The following PTGIS variants were observed in gnomAD, a reference collection of about 807,000 sequenced individuals.
The protein encoded by PTGIS is prostaglandin I2 synthase, also known as prostacyclin synthase.
PTGIS carries 45 observed loss-of-function variants against 50.3 expected under a neutral mutation model. The observed-to-expected ratio is 0.90, with a 90% CI of 0.70 to 1.15. PTGIS has a LOEUF of 1.15. Ranked by LOEUF, PTGIS falls within the 50% of genes most tolerant of loss-of-function variation. PTGIS has a pLI of 0.00. For missense variants in PTGIS, 668 were observed against 661.3 expected (o/e 1.01, Z -0.11); for synonymous variants, 260 against 267.7 (o/e 0.97, Z 0.28).
intron 4 of PTGIS, among the ~76,000 whole-genome samples, chr20:49,543,936 T>A (rs1982292710): frequency 1.3e-5 from 2 of 152,160 alleles, no homozygotes; most frequent in African/African-American, 4.8e-5. Context: ...TAACATACAT[T>A]TACAAGACCA....
intron 5 of PTGIS, among the ~76,000 whole-genome samples, chr20:49,533,989 A>AT (rs1601190610): frequency 1.3e-5 from 2 of 151,862 alleles, no homozygotes; most frequent in South Asian, 2.1e-4. Flanking sequence ...ATATATATAT[A>AT]AAATGTATGT....
At chr20:49,532,479 A>T (rs1224449259) in intron 5 of PTGIS, among the ~76,000 whole-genome samples, 1 of 152,242 alleles carries the variant, frequency 6.6e-6, no homozygotes, top group Non-Finnish European at 1.5e-5. Flanking sequence ...ACATCTCAGC[A>T]TCTCAGTTTT....
chr20:49,538,549 C>T (rs78040508), intron 5 of PTGIS, among the ~76,000 whole-genome samples: 14,730 of 152,034 alleles, frequency 0.097, 2,216 homozygotes, highest in African/African-American at 0.32. Context: ...TTCTAGGAAG[C>T]TGAAGAATAG....
intron 1 of PTGIS, among the ~76,000 whole-genome samples, chr20:49,558,648 G>T (rs542828942): frequency 2.9e-4 from 44 of 151,918 alleles, no homozygotes; most frequent in Admixed American, 5.2e-4. Flanking sequence ...ACTCCATGTT[G>T]AATAGGAGCT....
intron 5 of PTGIS, among the ~76,000 whole-genome samples, chr20:49,528,300 C>CA (rs1981842045): frequency 6.6e-6 from 1 of 151,718 alleles, no homozygotes; most frequent in Non-Finnish European, 1.5e-5. Context: ...TCCTGCCTGG[C>CA]AAAAAACACA....
In PTGIS at chr20:49,514,391, T is replaced by A. The variant is rs774754882; in HGVS notation, c.860A>T (p.Asn287Ile). Residue 287 changes from asparagine to isoleucine, a missense_variant, in exon 7 of 10, where the codon AAT becomes ATT. Physicochemically the swap from Asn to Ile is moderately radical, Grantham distance 149 (BLOSUM62 -3). Coordinates refer to ENST00000244043, the MANE Select transcript of PTGIS (RefSeq NM_000961.4). ...GAGCCAGAAGGCAGCGGGACCCATA[T>A]TCCCCTGCAAGGAGAAGGGCCCCTG... ...LVLQLWATQG[N>I]MGPAAFWLLL... is the part of the protein sequence containing the mutation. The A allele has an allele frequency of 9.9e-6, 16 of 1,613,502 alleles. No individual in the cohort carries two copies. Among genetic ancestry groups the A allele is most frequent in the Non-Finnish European group, 1.4e-5 (16 of 1,179,994 alleles).
chr20:49,541,271 G>T (rs1323073107), intron 4 of PTGIS, among the ~76,000 whole-genome samples: 2 of 151,840 alleles, frequency 1.3e-5, no homozygotes, highest in African/African-American at 4.8e-5. Flanking sequence ...ACAGACACGT[G>T]CTTGCCAGGC....
intron 5 of PTGIS, among the ~76,000 whole-genome samples, chr20:49,532,973 G>A (rs1174761334): frequency 6.6e-6 from 1 of 152,164 alleles, no homozygotes; most frequent in Admixed American, 6.5e-5. Context: ...GTGATAACCG[G>A]ATGCCATGAA....
At position 49,539,662 on chromosome 20, in the gene PTGIS, G is replaced by GCCTGGCTT. The variant is rs1440802455; in HGVS notation, c.573_580dup (p.Ala194GlufsTer145). 13 of 1,613,762 alleles carry GCCTGGCTT rather than the reference G, an allele frequency of 8.1e-6. No homozygotes were observed. Among genetic ancestry groups the GCCTGGCTT allele is most frequent in the Non-Finnish European group, 1.1e-5 (13 of 1,179,984 alleles). On this transcript the variant is annotated frameshift_variant, in exon 5 of 10. Coordinates refer to ENST00000244043, the MANE Select transcript of PTGIS (RefSeq NM_000961.4). LOFTEE classifies it high-confidence loss of function. The stretch of plus-strand genomic sequence containing the variant: ...ATCAGCTGAGTGGACGCGGTCCTGG[G>GCCTGGCTT]CCTGGCTTTCATGGGTGCGTGGCAG...
chr20:49,536,439 CTTTTTCTT>C (rs1348869938), intron 5 of PTGIS, among the ~76,000 whole-genome samples: 2 of 146,578 alleles, frequency 1.4e-5, no homozygotes, highest in East Asian at 2.0e-4. Context: ...GCAAACAGTG[CTTTTTCTT>C]TTTTTCTTTT....
rs750338177 is a variant in PTGIS, at chr20:49,550,732, T to A, written c.75-543A>T. On this transcript the variant is annotated intron_variant, in intron 1 of 9. Transcript: ENST00000244043. ...ATTTGAGATCTAAGAGAGCTACAAT[T>A]TGAGAGCTAAGTTTTATTTTGTTGT... Among the ~76,000 whole-genome samples, 2 of 152,156 alleles carry A rather than the reference T, an allele frequency of 1.3e-5. 1 individual carries two copies. The highest frequency in any genetic ancestry group is 2.9e-5 in the Non-Finnish European group (2 of 68,024).
intron 6 of PTGIS, among the ~76,000 whole-genome samples, chr20:49,520,626 G>T (rs112392428): frequency 6.6e-6 from 1 of 151,918 alleles, no homozygotes; most frequent in Non-Finnish European, 1.5e-5. Flanking sequence ...GAGCCACTGC[G>T]CCTGACTTCT....
chr20:49,510,998 A>C (rs1456005854), intron 9 of PTGIS, 30 bp downstream of exon 9: 2 of 1,607,600 alleles, frequency 1.2e-6, no homozygotes, highest in Admixed American at 3.3e-5. Context: ...ATCAGGAGCC[A>C]CCCTGGCCCT....
intron 6 of PTGIS, among the ~76,000 whole-genome samples, chr20:49,521,824 C>T (rs958611579): frequency 6.6e-6 from 1 of 152,148 alleles, no homozygotes; most frequent in Non-Finnish European, 1.5e-5. Context: ...GGAACCAGGC[C>T]TGGAGCTGTG....
intron 4 of PTGIS, 46 bp from the exon 5 acceptor site, chr20:49,539,767 T>G: frequency 5.0e-6 from 8 of 1,589,726 alleles, no homozygotes; most frequent in East Asian, 4.5e-5. Flanking sequence ...GGGACACTCA[T>G]GTGTGGCCAC....
intron 6 of PTGIS, among the ~76,000 whole-genome samples, chr20:49,515,980 A>C (rs1464122920): frequency 6.6e-6 from 1 of 151,872 alleles, no homozygotes; most frequent in Non-Finnish European, 1.5e-5. Flanking sequence ...TCCTAGGCTC[A>C]AGTGATCCTT....
upstream of PTGIS, chr20:49,568,137 C>CGGGGCTGGCGGGGCTGGA (rs1417420050): frequency 8.3e-7 from 1 of 1,207,556 alleles, no homozygotes. Context: ...GCGGGGCTGG[C>CGGGGCTGGCGGGGCTGGA]GGGGCTGGCG....
At chr20:49,566,593 T>C (rs493694) in intron 1 of PTGIS, among the ~76,000 whole-genome samples, 69,104 of 152,076 alleles carry the variant, frequency 0.45, 16,220 homozygotes, top group East Asian at 0.62. Context: ...TGTTTGAAAA[T>C]TCAACTACCA....
intron 5 of PTGIS, among the ~76,000 whole-genome samples, chr20:49,537,776 A>C (rs1982118142): frequency 6.6e-6 from 1 of 152,102 alleles, no homozygotes; most frequent in African/African-American, 2.4e-5. Flanking sequence ...AACAAAAACA[A>C]AACAAAAAAC....
Sources: gnomAD v4.1 joint callset for allele counts (sites outside exome capture counted in the v4.1 genomes callset) on GRCh38, gnomAD v4.1.1 for gene constraint, MANE v1.5 for transcripts, NCBI Gene and HGNC (gene_info 2026-07-23, HGNC 2026-07-21) for gene names.